VTI1A: variants seen among roughly 807,000 people sequenced by gnomAD.
VTI1A encodes vesicle transport through interaction with t-SNAREs homolog 1A.
A neutral mutation model predicts 34.9 loss-of-function variants in VTI1A; 22 were observed. The ratio of observed to expected loss-of-function variants is 0.63; its 90% CI spans 0.45 to 0.90. VTI1A has a LOEUF of 0.90. VTI1A is among the 40% of genes least tolerant of loss of function. The pLI, the probability that VTI1A is intolerant of heterozygous loss-of-function variation, is 0.00. For synonymous variants in VTI1A, 87 were observed against 97.3 expected (o/e 0.89, Z 0.62); for missense variants, 268 against 275.6 (o/e 0.97, Z 0.20).
At chr10:112,641,067 GT>G (rs572127035) in intron 5 of VTI1A, among the ~76,000 whole-genome samples, 5 of 147,972 alleles carry the variant, frequency 3.4e-5, no homozygotes, top group African/African-American at 9.9e-5. Context: ...AAAAGCAAAA[GT>G]TTTTTTTTTC....
chr10:112,836,751 C>T, the VTI1A span, among the ~76,000 whole-genome samples: 3 of 152,056 alleles, frequency 2.0e-5, no homozygotes, highest in Non-Finnish European at 2.9e-5. Flanking sequence ...CATGATGCGG[C>T]GGGGAGGGGG....
chr10:112,779,999 A>C (rs1334337429), intron 7 of VTI1A, among the ~76,000 whole-genome samples: 3 of 151,544 alleles, frequency 2.0e-5, no homozygotes, highest in Non-Finnish European at 4.4e-5. Context: ...TTAATTCTAA[A>C]CTTAGTTGTA....
At chr10:112,475,633 T>C (rs1231816616) in intron 3 of VTI1A, among the ~76,000 whole-genome samples, 1 of 152,260 alleles carries the variant, frequency 6.6e-6, no homozygotes, top group Non-Finnish European at 1.5e-5. Context: ...TACAGTTGTT[T>C]CTGTTTATAA....
chr10:112,447,032 C>G (rs1846839903), upstream of VTI1A: 1 of 280,572 alleles, frequency 3.6e-6, no homozygotes, highest in Non-Finnish European at 7.0e-6. Context: ...GAGCCGATTC[C>G]CAGAACACGA....
chr10:112,546,740 A>C (rs1219418097), intron 5 of VTI1A, among the ~76,000 whole-genome samples: 1 of 152,138 alleles, frequency 6.6e-6, no homozygotes, highest in Non-Finnish European at 1.5e-5. Context: ...AGGGAAATGC[A>C]AAAATAGACT....
At chr10:112,532,626 G>A (rs941451096) in intron 4 of VTI1A, among the ~76,000 whole-genome samples, 1 of 151,980 alleles carries the variant, frequency 6.6e-6, no homozygotes, top group Non-Finnish European at 1.5e-5. Flanking sequence ...TATATTTAAG[G>A]TAAATAGAAA....
At chr10:112,680,970 A>G (rs150547140) in intron 7 of VTI1A, among the ~76,000 whole-genome samples, 22 of 152,330 alleles carry the variant, frequency 1.4e-4, no homozygotes, top group Middle Eastern at 3.4e-3. Context: ...TTGAGGATAC[A>G]TAGGAAATTA....
intron 5 of VTI1A, among the ~76,000 whole-genome samples, chr10:112,569,252 CTGTT>C (rs1397611936): frequency 4.6e-5 from 7 of 152,050 alleles, no homozygotes; most frequent in Non-Finnish European, 1.0e-4. Context: ...AGGCGGACAA[CTGTT>C]TGTTGCCTTC....
intron 1 of VTI1A, among the ~76,000 whole-genome samples, chr10:112,457,582 G>A (rs1847580418): frequency 6.6e-6 from 1 of 152,216 alleles, no homozygotes; most frequent in South Asian, 2.1e-4. Context: ...TTTGCCAGGT[G>A]GGCCTGGTGG....
chr10:112,591,309 A>G (rs1844377399), intron 5 of VTI1A, among the ~76,000 whole-genome samples: 1 of 152,184 alleles, frequency 6.6e-6, no homozygotes, highest in Admixed American at 6.5e-5. Context: ...TCATGAGGTC[A>G]GGAGATCAAG....
At chr10:112,732,717 T>A (rs1850308818) in intron 7 of VTI1A, among the ~76,000 whole-genome samples, 1 of 152,222 alleles carries the variant, frequency 6.6e-6, no homozygotes, top group African/African-American at 2.4e-5. Context: ...TTAATCTTCC[T>A]GATGATGCAC....
chr10:112,453,668 T>C (rs377681904), intron 1 of VTI1A, among the ~76,000 whole-genome samples: 45 of 152,282 alleles, frequency 3.0e-4, no homozygotes, highest in African/African-American at 1.0e-3. Flanking sequence ...TTGGCTTTTT[T>C]CTTTTCTTTT....
intron 5 of VTI1A, 46 bp from the exon 6 acceptor site, chr10:112,668,172 A>G: frequency 1.3e-6 from 2 of 1,526,670 alleles, no homozygotes; most frequent in Non-Finnish European, 1.8e-6. Context: ...TTACTCTCAT[A>G]TGCACTCCAA....
At chr10:112,491,230 T>C (rs1354282650) in intron 3 of VTI1A, among the ~76,000 whole-genome samples, 3 of 152,220 alleles carry the variant, frequency 2.0e-5, no homozygotes, top group African/African-American at 7.2e-5. Flanking sequence ...TTAAACATTC[T>C]ATTTTGAGAG....
At chr10:112,518,208 A>G (rs1005508837) in intron 3 of VTI1A, among the ~76,000 whole-genome samples, 2 of 152,084 alleles carry the variant, frequency 1.3e-5, no homozygotes, top group Non-Finnish European at 2.9e-5. Flanking sequence ...TGCATGTAAA[A>G]TAGTCTATTA....
chr10:112,573,236 T>C (rs1464065807), intron 5 of VTI1A, among the ~76,000 whole-genome samples: 1 of 152,170 alleles, frequency 6.6e-6, no homozygotes, highest in Non-Finnish European at 1.5e-5. Context: ...TCCTTAATGC[T>C]CACTGCCTAT....
At chr10:112,497,761 A>G (rs1849078706) in intron 3 of VTI1A, among the ~76,000 whole-genome samples, 1 of 152,186 alleles carries the variant, frequency 6.6e-6, no homozygotes, top group Non-Finnish European at 1.5e-5. Context: ...GACACCATTT[A>G]ATTACTGATT....
downstream of VTI1A, among the ~76,000 whole-genome samples, chr10:112,822,640 G>A (rs1002984795): frequency 2.6e-5 from 4 of 152,042 alleles, no homozygotes; most frequent in Admixed American, 1.3e-4. Context: ...GAGACTCTCC[G>A]CTCAATTTCC....
At chr10:112,797,700 T>TTTTG (rs1211165736) in intron 7 of VTI1A, among the ~76,000 whole-genome samples, 1 of 68,816 alleles carries the variant, frequency 1.5e-5, no homozygotes, top group Non-Finnish European at 5.0e-5. Context: ...CGTGAGGATT[T>TTTTG]TTTGTTTGTT....
Sources: gnomAD v4.1 joint callset for allele counts (sites outside exome capture counted in the v4.1 genomes callset) on GRCh38, gnomAD v4.1.1 for gene constraint, MANE v1.5 for transcripts, NCBI Gene and HGNC (gene_info 2026-07-23, HGNC 2026-07-21) for gene names.